The following SAFB variants were observed in gnomAD, a reference collection of about 807,000 sequenced individuals.
SAFB encodes scaffold attachment factor B1.
A neutral mutation model predicts 101.6 loss-of-function variants in SAFB; 15 were observed. The observed-to-expected ratio is 0.15, with a 90% CI of 0.10 to 0.23. SAFB has a LOEUF of 0.23. Ranked by LOEUF, SAFB falls within the 10% of genes least tolerant of loss-of-function variation. SAFB has a pLI of 1.00. For missense variants in SAFB, 930 were observed against 1,104.1 expected (o/e 0.84, Z 2.23); for synonymous variants, 449 against 407.5 (o/e 1.10, Z -1.23).
chr19:5,655,871 G>A (rs4807047), intron 13 of SAFB, among the ~76,000 whole-genome samples: 8,520 of 152,248 alleles, frequency 0.056, 484 homozygotes, highest in African/African-American at 0.14. Context: ...CAAGTGTACC[G>A]GAAGTGCTTC....
chr19:5,664,417 T>C lies in SAFB; in HGVS notation c.2312T>C (p.Met771Thr). ...TTCAGGAGAGAAGGTTCAAGGTCAA[T>C]GATGGGAGAACGAGAAGGACAGGTA... ...SVDRREGSRS[M>T]MGEREGQHYP... The change falls in exon 17 of 21, where the codon ATG (methionine) becomes ACG (threonine). Residue 771 changes from methionine to threonine, a missense_variant. Around this residue, in one of 7 missense-constraint regions of SAFB, gnomAD observed 318 missense variants for 342.6 expected, o/e 0.93. Transcript: ENST00000588852. 1 of 1,613,602 alleles carries C rather than the reference T, an allele frequency of 6.2e-7. No homozygotes were observed. Among genetic ancestry groups the C allele is most frequent in the Non-Finnish European group, 8.5e-7 (1 of 1,179,490 alleles).
chr19:5,656,218 C>G (rs1011095578), intron 13 of SAFB, among the ~76,000 whole-genome samples: 1 of 151,848 alleles, frequency 6.6e-6, no homozygotes, highest in African/African-American at 2.4e-5. Context: ...TTCCTGTTCC[C>G]CTATCACACC....
chr19:5,666,151 T>C (rs554790631), intron 17 of SAFB: 3 of 152,168 alleles, frequency 2.0e-5, no homozygotes, highest in African/African-American at 4.8e-5. Context: ...AGACCACATA[T>C]GTATTGGTGG....
chr19:5,663,874 T>G, intron 15 of SAFB, 148 bp from the exon 16 acceptor site: 1 of 824,380 alleles, frequency 1.2e-6, no homozygotes, highest in Non-Finnish European at 1.9e-6. Context: ...GTCACTGGGG[T>G]CAAATCAGAC....
chr19:5,634,503 A>G (rs1249391759), intron 2 of SAFB, among the ~76,000 whole-genome samples: 4 of 152,102 alleles, frequency 2.6e-5, no homozygotes, highest in African/African-American at 9.7e-5. Context: ...GTAATAAGAA[A>G]GACCTGAAGT....
At chr19:5,623,694 C>T (rs1017096536) in intron 1 of SAFB, among the ~76,000 whole-genome samples, 6 of 152,210 alleles carry the variant, frequency 3.9e-5, no homozygotes, top group Admixed American at 3.3e-4. Context: ...GTCTCGTCCC[C>T]TCCTCCGTAC....
chr19:5,657,636 A>T, intron 14 of SAFB, among the ~76,000 whole-genome samples: 1 of 151,822 alleles, frequency 6.6e-6, no homozygotes, highest in East Asian at 1.9e-4. Context: ...GCAATTCTCC[A>T]GCCTCAGCCT....
chr19:5,626,226 A>AGTCG (rs1420897209), intron 1 of SAFB, among the ~76,000 whole-genome samples, 179 bp from the exon 2 acceptor site: 1 of 152,192 alleles, frequency 6.6e-6, no homozygotes, highest in East Asian at 1.9e-4. Context: ...TGGTGGCGTC[A>AGTCG]GTCGGTCTCC....
In SAFB at chr19:5,649,075, G is replaced by T; in HGVS notation, c.724G>T (p.Ala242Ser). The T allele has an allele frequency of 2.1e-6, 1 of 472,816 alleles. No homozygotes were observed. Among genetic ancestry groups the T allele is most frequent in the Non-Finnish European group, 3.6e-6 (1 of 279,166 alleles). The allele number at this position is 472,816 out of a possible 1,614,324, so 29.3% of individuals were successfully genotyped here. ...AAGTTCCGAGCTGGAGCAGCCATTT[G>T]CACAGGACACAAGTAGCGTGGGGCC... ...EESSELEQPF[A>S]QDTSSVGPDR... The change falls in exon 7 of 21, where the codon GCA becomes TCA. Residue 242 changes from alanine (A) to serine (S), a missense_variant. Coordinates refer to ENST00000588852, the MANE Select transcript of SAFB (RefSeq NM_001201338.2).
At chr19:5,653,308 A>G (rs770547498) in intron 10 of SAFB, 30 bp from the exon 11 acceptor site, 9 of 1,613,940 alleles carry the variant, frequency 5.6e-6, no homozygotes, top group Non-Finnish European at 1.7e-6. Flanking sequence ...ACATTAGGAA[A>G]TGGGGGTAAT....
At chr19:5,633,062 CTT>C (rs1321648405) in intron 2 of SAFB, among the ~76,000 whole-genome samples, 2 of 152,228 alleles carry the variant, frequency 1.3e-5, no homozygotes, top group African/African-American at 4.8e-5. Flanking sequence ...TACTCTGAGA[CTT>C]TGTAAATATC....
At chr19:5,630,827 T>A (rs2053474486) in intron 2 of SAFB, among the ~76,000 whole-genome samples, 1 of 152,112 alleles carries the variant, frequency 6.6e-6, no homozygotes, top group Non-Finnish European at 1.5e-5. Context: ...TATTTTTACA[T>A]TTTACATTTG....
intron 4 of SAFB, among the ~76,000 whole-genome samples, chr19:5,643,250 C>T (rs972820388): frequency 6.6e-6 from 1 of 151,510 alleles, no homozygotes; most frequent in Non-Finnish European, 1.5e-5. Flanking sequence ...TCTGTGTTGG[C>T]TCGTGGGGGG....
At chr19:5,663,271 G>A (rs1174798825) in intron 15 of SAFB, among the ~76,000 whole-genome samples, 1 of 152,198 alleles carries the variant, frequency 6.6e-6, no homozygotes, top group Non-Finnish European at 1.5e-5. Flanking sequence ...AAAGTGCTGG[G>A]ATTACAGGCA....
At chr19:5,654,022 T>C in intron 11 of SAFB, 39 bp from the exon 12 acceptor site, 1 of 1,605,336 alleles carries the variant, frequency 6.2e-7, no homozygotes, top group South Asian at 1.1e-5. Context: ...AATACAGGCA[T>C]GAGCCACCAC....
At chr19:5,636,323 G>A (rs532659364) in intron 2 of SAFB, among the ~76,000 whole-genome samples, 2 of 152,180 alleles carry the variant, frequency 1.3e-5, no homozygotes, top group African/African-American at 4.8e-5. Flanking sequence ...TAGAATTGTA[G>A]CAACTTTATC....
intron 17 of SAFB, chr19:5,664,999 C>G (rs1194995442): frequency 1.3e-5 from 2 of 154,564 alleles, no homozygotes; most frequent in African/African-American, 4.8e-5. Context: ...CCAGGAGAGC[C>G]TTGGACCTCT....
At chr19:5,660,334 G>T (rs1311779402) in intron 14 of SAFB, among the ~76,000 whole-genome samples, 2 of 122,908 alleles carry the variant, frequency 1.6e-5, no homozygotes, top group African/African-American at 3.0e-5. Flanking sequence ...GTAGCTCCCT[G>T]CACACACCTT....
chr19:5,661,628 G>A lies in SAFB; in HGVS notation c.1973G>A (p.Arg658Gln). 1.2e-6 allele frequency: 2 copies of A among 1,612,560 alleles called. No individual in the cohort carries two copies. Among genetic ancestry groups the A allele is most frequent in the Non-Finnish European group, 1.7e-6 (2 of 1,179,768 alleles). Residue 658 changes from arginine (R) to glutamine (Q), a missense_variant, in exon 15 of 21, where the codon CGG (arginine) becomes CAG (glutamine). By Grantham distance (43) the Arg-to-Gln change is conservative. Coordinates refer to ENST00000588852, the MANE Select transcript of SAFB (RefSeq NM_001201338.2). ...ARERLAFQRQ[R>Q]LERERMERER... ...GAGAGGCTGGCCTTCCAGCGCCAGC[G>A]GCTGGAGCGGGAGCGCATGGAGCGG...
Sources: allele counts gnomAD v4.1 joint callset (sites outside exome capture counted in the v4.1 genomes callset), GRCh38; gene constraint gnomAD v4.1.1; regional missense constraint gnomAD v4.1.1; transcripts MANE v1.5; gene names NCBI Gene and HGNC (gene_info 2026-07-23, HGNC 2026-07-21).